SCG3: variants seen among roughly 807,000 people sequenced by gnomAD.
SCG3 encodes the protein secretogranin III.
In SCG3, 38 loss-of-function variants were observed where a neutral mutation model predicts 56.2. That is an observed-to-expected ratio of 0.68 (90% CI 0.52 to 0.89). The LOEUF (loss-of-function observed/expected upper bound fraction) is 0.89, where lower values mean the gene tolerates loss of function less well. Among genes scored for constraint, SCG3 ranks in the 40% least tolerant of loss-of-function variants. The pLI is 0.00. For synonymous variants in SCG3, 176 were observed against 184.2 expected, an observed-to-expected ratio of 0.96 and a Z score of 0.36; for missense variants, 524 against 540.7, an observed-to-expected ratio of 0.97 and a Z score of 0.31.
At position 51,683,062 on chromosome 15, in the gene SCG3, T is replaced by C. The variant is rs1282498878; in HGVS notation, c.136-17T>C. 6 of 1,603,222 alleles carry C rather than the reference T, an allele frequency of 3.7e-6. No homozygotes were observed. The highest frequency in any genetic ancestry group is 3.5e-5 in the Admixed American group (2 of 57,040). On this transcript the variant is annotated splice_polypyrimidine_tract_variant and intron_variant, in intron 2 of 11. Transcript: ENST00000220478. ...GCAATGATTTTAAACCAAGTCTATC[T>C]CCTGTTTGCTTCACAGATTGCTGAA... is the stretch of plus-strand genomic sequence containing the variant.
Position 51,692,142 on chromosome 15 carries a change from AT to A in SCG3, c.691-12del, listed in dbSNP as rs1567217778. The A allele has an allele frequency of 3.2e-6, 5 of 1,575,916 alleles. No individual in the cohort carries two copies. In the African/African-American group the frequency reaches 4.1e-5, roughly 13 times the overall value. The stretch of plus-strand genomic sequence containing the variant: ...CTAACAAAATGTTCATTTTTTATTG[AT>A]TTTTCCCCACTGGAGACTCCAATGG... On this transcript the variant is annotated splice_polypyrimidine_tract_variant and intron_variant, in intron 6 of 11. Transcript: ENST00000220478.
At chr15:51,691,327 C>T (rs1031966725) in intron 6 of SCG3, among the ~76,000 whole-genome samples, 12 of 152,114 alleles carry the variant, frequency 7.9e-5, no homozygotes, top group African/African-American at 2.7e-4. Context: ...ATTTTCTGGT[C>T]CCCTGAAGAA....
intron 11 of SCG3, among the ~76,000 whole-genome samples, chr15:51,718,059 G>A (rs1030328264): frequency 1.3e-5 from 2 of 152,168 alleles, no homozygotes; most frequent in African/African-American, 4.8e-5. Flanking sequence ...TCTGCTTCCT[G>A]AGGCCTTCTT....
rs576527439 is a variant in SCG3, at chr15:51,709,592, C to T, written c.1208-3741C>T. On this transcript the variant is annotated intron_variant, in intron 10 of 11. Coordinates refer to ENST00000220478, the MANE Select transcript of SCG3 (RefSeq NM_013243.4). ...ATAGCTATCATTTAGGTTTAGAATC[C>T]ATTAAATTTCAAGTCTCTCAAATAA... Among the ~76,000 whole-genome samples, 33 of 129,256 alleles carry T rather than the reference C, an allele frequency of 2.6e-4. No homozygotes were observed. The Middle Eastern group carries it at 0.015, about 60-fold the overall frequency. The allele number at this position is 129,256 out of a possible 152,430, so 84.8% of individuals were successfully genotyped here.
At position 51,713,383 on chromosome 15, in the gene SCG3, A is replaced by C; in HGVS notation, c.1258A>C (p.Lys420Gln). 7 of 1,605,238 alleles carry C rather than the reference A, an allele frequency of 4.4e-6. No individual in the cohort carries two copies. The highest frequency in any genetic ancestry group is 5.9e-6 in the Non-Finnish European group (7 of 1,176,814). ...CATCAGAAAAAATATTGAATGGTTGAAGAAACATGACAAAAAGGGAAATAA... is the reference window on the plus strand; with the variant it reads ...CATCAGAAAAAATATTGAATGGTTGCAGAAACATGACAAAAAGGGAAATAA... ...EAIRKNIEWLKKHDKKGNKED... is the reference protein window; with the variant it reads ...EAIRKNIEWLQKHDKKGNKED... The change falls in exon 11 of 12, where the codon AAG (lysine) becomes CAG (glutamine). Residue 420 changes from lysine (K) to glutamine (Q), a missense_variant. Lys to Gln is a moderately conservative substitution (Grantham distance 53, BLOSUM62 1). Transcript: ENST00000220478.
At chr15:51,703,462 G>A (rs1386995336) in intron 10 of SCG3, among the ~76,000 whole-genome samples, 1 of 152,158 alleles carries the variant, frequency 6.6e-6, no homozygotes, top group Non-Finnish European at 1.5e-5. Flanking sequence ...TGTCGTTGTT[G>A]GTGATGATGA....
Position 51,689,446 on chromosome 15 carries a change from T to C in SCG3, c.690+78T>C, listed in dbSNP as rs867041137. The C allele has an allele frequency of 4.1e-6, 6 of 1,451,498 alleles. No individual in the cohort carries two copies. In the African/African-American group the frequency reaches 5.7e-5, roughly 14 times the overall value. The allele number at this position is 1,451,498 out of a possible 1,614,324, so 89.9% of individuals were successfully genotyped here. A position where few individuals can be genotyped will look rare whatever the true frequency, so the allele number is the denominator to read the frequency against. On this transcript the variant is annotated intron_variant, in intron 6 of 11. Transcript: ENST00000220478. ...GTGTGTGTGTGTACTTCTATCTGTA[T>C]AATAATTGCCTTACTTGATACCAAA...
intron 10 of SCG3, chr15:51,708,176 T>C (rs1239490705): frequency 2.0e-5 from 3 of 152,168 alleles, no homozygotes; most frequent in Non-Finnish European, 4.4e-5. Context: ...CAAAGGAAGC[T>C]GAAATAAATT....
chr15:51,696,012 T>C (rs781361607), intron 8 of SCG3, 21 bp downstream of exon 8: 67 of 1,358,518 alleles, frequency 4.9e-5, no homozygotes, highest in Non-Finnish European at 4.2e-6. Context: ...ATGTGTTTTG[T>C]TTCTACTGTG....
chr15:51,690,003 T>C (rs1480900506), intron 6 of SCG3, among the ~76,000 whole-genome samples: 1 of 152,160 alleles, frequency 6.6e-6, no homozygotes, highest in African/African-American at 2.4e-5. Flanking sequence ...ACAGTCCCAG[T>C]GAACTGCAAG....
chr15:51,681,876 T>C (rs767467701), intron 1 of SCG3, 39 bp downstream of exon 1: 5 of 1,556,536 alleles, frequency 3.2e-6, no homozygotes, highest in Non-Finnish European at 4.4e-6. Flanking sequence ...TTCCTTTTAT[T>C]TCGCCACGAA....
rs761551067 is a variant in SCG3, at chr15:51,713,345, C to A, written c.1220C>A (p.Ala407Asp). The change falls in exon 11 of 12, where the codon GCC (alanine) becomes GAC (aspartate). Residue 407 changes from alanine (A) to aspartate (D), a missense_variant. Physicochemically the swap from Ala to Asp is moderately radical, Grantham distance 126 (BLOSUM62 -2). Transcript: ENST00000220478. ...KTDEPKGKTEAYLEAIRKNIE... is the reference protein window; with the variant it reads ...KTDEPKGKTEDYLEAIRKNIE... ...TTACCTCTTCCAGGAAAAACAGAAG[C>A]CTATTTGGAAGCCATCAGAAAAAAT... is the stretch of plus-strand genomic sequence containing the variant. 1 of 1,597,768 alleles carries A rather than the reference C, an allele frequency of 6.3e-7. No homozygotes were observed. Among genetic ancestry groups the A allele is most frequent in the Non-Finnish European group, 8.5e-7 (1 of 1,173,542 alleles).
intron 11 of SCG3, among the ~76,000 whole-genome samples, chr15:51,714,619 T>C (rs1265572634): frequency 6.6e-6 from 1 of 152,226 alleles, no homozygotes; most frequent in East Asian, 1.9e-4. Flanking sequence ...CAGGCTGCAC[T>C]GCAGCACCAC....
chr15:51,691,674 A>T (rs2055267602), intron 6 of SCG3, among the ~76,000 whole-genome samples: 1 of 152,176 alleles, frequency 6.6e-6, no homozygotes, highest in Non-Finnish European at 1.5e-5. Flanking sequence ...TGAGAGAAAG[A>T]TTTTGTACAC....
At chr15:51,685,376 CAT>C (rs2055222038) in intron 4 of SCG3, among the ~76,000 whole-genome samples, 1 of 152,186 alleles carries the variant, frequency 6.6e-6, no homozygotes, top group East Asian at 1.9e-4. Flanking sequence ...CAGGCAGAGA[CAT>C]AGATCTGTTT....
chr15:51,717,756 C>T (rs915914875), intron 11 of SCG3, among the ~76,000 whole-genome samples: 1 of 152,172 alleles, frequency 6.6e-6, no homozygotes, highest in African/African-American at 2.4e-5. Context: ...TCCTGTCAGC[C>T]TCCACGTGTT....
chr15:51,714,711 G>A (rs2055442221), intron 11 of SCG3, among the ~76,000 whole-genome samples: 1 of 152,182 alleles, frequency 6.6e-6, no homozygotes. Flanking sequence ...AGCCAAGTTT[G>A]CAAACCGCTG....
At chr15:51,718,215 C>T (rs200390663) in intron 11 of SCG3, among the ~76,000 whole-genome samples, 4 of 152,024 alleles carry the variant, frequency 2.6e-5, no homozygotes, top group African/African-American at 9.6e-5. Flanking sequence ...GACAGACAGA[C>T]AGACAGACAG....
Position 51,720,669 on chromosome 15 carries a change from G to A in SCG3, c.*1143G>A, listed in dbSNP as rs550117974. On this transcript the variant is annotated 3_prime_UTR_variant, in exon 12 of 12. Coordinates refer to ENST00000220478, the MANE Select transcript of SCG3 (RefSeq NM_013243.4). Reference sequence around the variant, plus strand: ...GACTTCCTGGGTCGAGTGGGGCCTTGGAGAACTTTTCTGTCTTACAAGAGG... The same window carrying A: ...GACTTCCTGGGTCGAGTGGGGCCTTAGAGAACTTTTCTGTCTTACAAGAGG... 2.4e-4 allele frequency: 37 copies of A among 152,380 alleles called. No individual in the cohort carries two copies. Among genetic ancestry groups the A allele is most frequent in the African/African-American group, 8.9e-4 (37 of 41,566 alleles). 9.4% of individuals were successfully genotyped at this position (152,380 alleles called of 1,614,324 possible).
Sources: allele counts gnomAD v4.1 joint callset (sites outside exome capture counted in the v4.1 genomes callset), GRCh38; gene constraint gnomAD v4.1.1; transcripts MANE v1.5; gene names NCBI Gene and HGNC (gene_info 2026-07-23, HGNC 2026-07-21).